The following FAM111B variants were observed in gnomAD, a reference collection of about 807,000 sequenced individuals.
FAM111B encodes the protein serine protease FAM111B.
A neutral mutation model predicts 2.8 loss-of-function variants in FAM111B; 1 was observed. The observed-to-expected ratio is 0.36, with a 90% CI of 0.13 to 1.70. The LOEUF (loss-of-function observed/expected upper bound fraction) is 1.70. FAM111B is among the 40% of genes most tolerant of loss of function. The pLI is 0.35. For missense variants in FAM111B, 882 were observed against 878.9 expected (o/e 1.00, Z -0.04); for synonymous variants, 297 against 295.6 (o/e 1.00, Z -0.05).
At chr11:59,113,882 A>G (rs906057813) in intron 3 of FAM111B, among the ~76,000 whole-genome samples, 2 of 152,226 alleles carry the variant, frequency 1.3e-5, no homozygotes, top group South Asian at 4.1e-4. Flanking sequence ...TTCAGAATGC[A>G]TTTGAAACCT....
chr11:59,109,436 C>A (rs1227908800), intron 2 of FAM111B, 104 bp from the exon 3 acceptor site: 1 of 474,326 alleles, frequency 2.1e-6, no homozygotes, highest in African/African-American at 2.0e-5. Context: ...GGGCTTACCT[C>A]ATATGATTTT....
chr11:59,124,423 C>T lies in FAM111B; in HGVS notation c.326C>T (p.Ser109Leu), dbSNP rs139291529. ...AYGKPSESIY[S>L]ALSANDYFSE... ...GGTAAACCCAGCGAGAGTATCTACT[C>T]AGCCCTGAGTGCTAATGACTATTTC... The change falls in exon 4 of 4, where the codon TCA becomes TTA. Residue 109 changes from serine to leucine, a missense_variant. By Grantham distance (145) the Ser-to-Leu change is moderately radical. Coordinates refer to ENST00000343597, the MANE Select transcript of FAM111B (RefSeq NM_198947.4). 1 of 1,613,622 alleles carries T rather than the reference C, an allele frequency of 6.2e-7. No individual in the cohort carries two copies. The highest frequency in any genetic ancestry group is 8.5e-7 in the Non-Finnish European group (1 of 1,179,846).
In FAM111B at chr11:59,125,588, T is replaced by C. The variant is rs752880161; in HGVS notation, c.1491T>C (p.Gly497=). 2.5e-6 allele frequency: 4 copies of C among 1,613,874 alleles called. No individual in the cohort carries two copies. The highest frequency in any genetic ancestry group is 3.4e-6 in the Non-Finnish European group (4 of 1,179,806). Residue 497 remains glycine, a synonymous_variant, in exon 4 of 4, where the codon GGT becomes GGC. Transcript: ENST00000343597. ...GACATGTTGTACATCTTATGGTGGG[T>C]AAAAACACACATCCAAGTTTGTGGC... ...TCRHVVHLMV[G]KNTHPSLWPD... is the part of the protein sequence containing the mutation.
At chr11:59,113,142 T>C (rs1365908093) in intron 3 of FAM111B, among the ~76,000 whole-genome samples, 10 of 152,212 alleles carry the variant, frequency 6.6e-5, no homozygotes, top group Non-Finnish European at 1.3e-4. Context: ...CAATTGATTT[T>C]AAGTTTTATT....
chr11:59,125,832 C>A lies in FAM111B; in HGVS notation c.1735C>A (p.His579Asn), dbSNP rs1860018713. Residue 579 changes from histidine (H) to asparagine (N), a missense_variant, in exon 4 of 4, where the codon CAT becomes AAT. Transcript: ENST00000343597. ...TACTGGTTTGATTTATTTAATTGGTCATCCTGAAGGCCAGATCAAGAAAAT... is the reference window on the plus strand; with the variant it reads ...TACTGGTTTGATTTATTTAATTGGTAATCCTGAAGGCCAGATCAAGAAAAT... Reference protein sequence around the residue: ...PSTGLIYLIGHPEGQIKKIDG... With the variant: ...PSTGLIYLIGNPEGQIKKIDG... 1 of 1,613,754 alleles carries A rather than the reference C, an allele frequency of 6.2e-7. No homozygotes were observed. The highest frequency in any genetic ancestry group is 8.5e-7 in the Non-Finnish European group (1 of 1,179,846).
In FAM111B at chr11:59,125,448, T is replaced by G. The variant is rs751601374; in HGVS notation, c.1351T>G (p.Cys451Gly). 1 of 1,613,864 alleles carries G rather than the reference T, an allele frequency of 6.2e-7. No homozygotes were observed. The highest frequency in any genetic ancestry group is 1.3e-5 in the African/African-American group (1 of 74,928). ...TGCAAATTCTGTTTCAGTTGCAACCTGCGAACAGCTTACATATTATAGCAA... is the reference window on the plus strand; with the variant it reads ...TGCAAATTCTGTTTCAGTTGCAACCGGCGAACAGCTTACATATTATAGCAA... ...MTANSVSVATCEQLTYYSKSV... is the reference protein window; with the variant it reads ...MTANSVSVATGEQLTYYSKSV... Residue 451 changes from cysteine (C) to glycine (G), a missense_variant, in exon 4 of 4, where the codon TGC (cysteine) becomes GGC (glycine). Physicochemically the swap from Cys to Gly is radical, Grantham distance 159 (BLOSUM62 -3). Transcript: ENST00000343597.
At chr11:59,119,724 T>G (rs1233524912) in intron 3 of FAM111B, among the ~76,000 whole-genome samples, 1 of 152,198 alleles carries the variant, frequency 6.6e-6, no homozygotes, top group Non-Finnish European at 1.5e-5. Flanking sequence ...TGTTAAATAA[T>G]GAATCATTAT....
At chr11:59,108,332 G>GA (rs1859698753) in intron 1 of FAM111B, among the ~76,000 whole-genome samples, 1 of 152,192 alleles carries the variant, frequency 6.6e-6, no homozygotes, top group Non-Finnish European at 1.5e-5. Flanking sequence ...TTTCTCAGCT[G>GA]CTGCTCTGAT....
intron 3 of FAM111B, 189 bp downstream of exon 3, chr11:59,109,895 A>G (rs1413153511): frequency 5.3e-6 from 2 of 375,824 alleles, no homozygotes; most frequent in East Asian, 4.0e-5. Context: ...AACAATGCTA[A>G]ACGTATGTTA....
At chr11:59,109,419 AGCCATAGG>A (rs1481767401) in intron 2 of FAM111B, 113 bp from the exon 3 acceptor site, 3 of 399,494 alleles carry the variant, frequency 7.5e-6, no homozygotes, top group Non-Finnish European at 1.4e-5. Context: ...TAAGCTAAAT[AGCCATAGG>A]GCTTACCTCA....
At chr11:59,111,907 A>G (rs918372670) in intron 3 of FAM111B, among the ~76,000 whole-genome samples, 1 of 152,180 alleles carries the variant, frequency 6.6e-6, no homozygotes, top group African/African-American at 2.4e-5. Flanking sequence ...AAGATGATAG[A>G]AATGAACACA....
intron 3 of FAM111B, among the ~76,000 whole-genome samples, chr11:59,123,723 A>G (rs1859958873): frequency 6.6e-6 from 1 of 152,232 alleles, no homozygotes; most frequent in East Asian, 1.9e-4. Context: ...CTAGTGAAAA[A>G]TAAAGTCACA....
intron 3 of FAM111B, among the ~76,000 whole-genome samples, chr11:59,122,046 G>A (rs1321471487): frequency 6.6e-6 from 1 of 152,212 alleles, no homozygotes; most frequent in African/African-American, 2.4e-5. Context: ...AGGAGGCTGA[G>A]GCAGAGAATT....
intron 3 of FAM111B, among the ~76,000 whole-genome samples, chr11:59,119,911 G>C (rs1441684468): frequency 6.6e-6 from 1 of 152,026 alleles, no homozygotes; most frequent in Non-Finnish European, 1.5e-5. Context: ...TCCACAGATG[G>C]TATCATATCT....
intron 3 of FAM111B, among the ~76,000 whole-genome samples, chr11:59,113,995 A>G (rs768848549): frequency 2.0e-5 from 3 of 152,244 alleles, no homozygotes; most frequent in Non-Finnish European, 4.4e-5. Context: ...TTAAAGAGTG[A>G]AAGAGATTAT....
At chr11:59,123,165 A>G (rs949724820) in intron 3 of FAM111B, among the ~76,000 whole-genome samples, 6 of 152,182 alleles carry the variant, frequency 3.9e-5, no homozygotes, top group Non-Finnish European at 7.4e-5. Flanking sequence ...TGTCAAAACC[A>G]TTGACAGAAC....
chr11:59,125,223 A>G lies in FAM111B; in HGVS notation c.1126A>G (p.Ile376Val). Residue 376 changes from isoleucine (I) to valine (V), a missense_variant, in exon 4 of 4, where the codon ATT (isoleucine) becomes GTT (valine). Transcript: ENST00000343597. ...RRPHLGRRYA[I>V]NLDVQKEAIN... Reference sequence around the variant, plus strand: ...GCCGCATCTGGGTAGGCGGTATGCTATTAATCTGGATGTCCAAAAGGAGGC... The same window carrying G: ...GCCGCATCTGGGTAGGCGGTATGCTGTTAATCTGGATGTCCAAAAGGAGGC... 3 of 1,613,990 alleles carry G rather than the reference A, an allele frequency of 1.9e-6. No homozygotes were observed. Among genetic ancestry groups the G allele is most frequent in the African/African-American group, 1.3e-5 (1 of 75,046 alleles).
rs1859992930 is a variant in FAM111B at position 59,124,934 on chromosome 11, C to T, written c.837C>T (p.Ile279=). The T allele has an allele frequency of 1.2e-6, 2 of 1,604,980 alleles. No individual in the cohort carries two copies. The highest frequency in any genetic ancestry group is 1.4e-5 in the African/African-American group (1 of 73,968). The change falls in exon 4 of 4, where the codon ATC becomes ATT. Residue 279 remains isoleucine, a synonymous_variant. Transcript: ENST00000343597. The part of the protein sequence containing the change: ...SKKKALQQKD[I]HKKIKQNESA... ...AAAAAGCATTACAACAGAAAGATAT[C>T]CATAAAAAAATTAAACAGAATGAAA... is the stretch of plus-strand genomic sequence containing the variant.
At chr11:59,119,543 C>CT (rs942597894) in intron 3 of FAM111B, among the ~76,000 whole-genome samples, 6 of 152,050 alleles carry the variant, frequency 3.9e-5, no homozygotes, top group East Asian at 3.9e-4. Context: ...CAGGATGCTG[C>CT]TTTTTTTTAT....
Sources: gnomAD v4.1 joint callset for allele counts (sites outside exome capture counted in the v4.1 genomes callset) on GRCh38, gnomAD v4.1.1 for gene constraint, MANE v1.5 for transcripts, NCBI Gene and HGNC (gene_info 2026-07-23, HGNC 2026-07-21) for gene names.